The following FLT4 variants were observed in gnomAD, a reference collection of about 807,000 sequenced individuals.
The protein encoded by FLT4 is vascular endothelial growth factor receptor 3.
Under a neutral mutation model 163.2 loss-of-function variants are expected in FLT4, and 30 were observed. The ratio of observed to expected loss-of-function variants is 0.18; its 90% CI spans 0.14 to 0.25. The LOEUF is 0.25. Among genes scored for constraint, FLT4 ranks in the 10% least tolerant of loss-of-function variants. FLT4 has a pLI of 1.00. For missense variants in FLT4, 1,510 were observed against 1,863.8 expected, an observed-to-expected ratio of 0.81 and a Z score of 3.50; for synonymous variants, 884 against 789.5, an observed-to-expected ratio of 1.12 and a Z score of -2.01.
At chr5:180,606,144 G>A (rs1487769518) in intron 29 of FLT4, among the ~76,000 whole-genome samples, 3 of 152,172 alleles carry the variant, frequency 2.0e-5, no homozygotes, top group African/African-American at 4.8e-5. Flanking sequence ...CTCTGCTGCC[G>A]ATACAGGGTG....
At position 180,621,765 on chromosome 5, in the gene FLT4, G is replaced by A. The variant is rs200474566; in HGVS notation, c.1797C>T (p.His599=). The A allele has an allele frequency of 6.2e-7, 1 of 1,613,264 alleles. No homozygotes were observed. The highest frequency in any genetic ancestry group is 1.1e-5 in the South Asian group (1 of 91,086). Residue 599 remains histidine, a synonymous_variant, in exon 13 of 30, where the codon CAC becomes CAT. Coordinates refer to ENST00000261937, the MANE Select transcript of FLT4 (RefSeq NM_182925.5). The part of the protein sequence containing the change: ...RWYRLNLSTL[H]DAHGNPLLLD... The stretch of plus-strand genomic sequence containing the variant: ...GCAGAAGCGGGTTCCCGTGCGCATC[G>A]TGCAGCGTGGACAGGTTGAGGCGGT...
chr5:180,649,917 G>C (rs1281103417), upstream of FLT4, among the ~76,000 whole-genome samples: 2 of 152,156 alleles, frequency 1.3e-5, no homozygotes, highest in Non-Finnish European at 2.9e-5. Flanking sequence ...GTAAAATCTA[G>C]ACTAAACAAG....
Position 180,623,817 on chromosome 5 carries a change from G to T in FLT4, c.1548+118C>A. The T allele has an allele frequency of 1.5e-6, 2 of 1,329,898 alleles. No homozygotes were observed. The highest frequency in any genetic ancestry group is 1.1e-6 in the Non-Finnish European group (1 of 930,702). 82.4% of individuals were successfully genotyped at this position (1,329,898 alleles called of 1,614,324 possible). On this transcript the variant is annotated intron_variant, in intron 11 of 29. Coordinates refer to ENST00000261937, the MANE Select transcript of FLT4 (RefSeq NM_182925.5). This position sits in a 1 kb window ranked among gnomAD's most constrained non-coding sequence, Gnocchi z 5.8. ...CCTACAGACTGCAGGAAGGTCACCC[G>T]CTCTCGGCTGCTCTGCCCAGCACTC...
At chr5:180,634,622 G>T (rs1158187223) in intron 1 of FLT4, among the ~76,000 whole-genome samples, 1 of 149,000 alleles carries the variant, frequency 6.7e-6, no homozygotes, top group Non-Finnish European at 1.5e-5. Flanking sequence ...GTGAAGCCGG[G>T]AGGCGGAGCT....
chr5:180,624,098 T>C (rs774397838), intron 10 of FLT4, 37 bp from the exon 11 acceptor site: 8 of 1,606,892 alleles, frequency 5.0e-6, no homozygotes, highest in Non-Finnish European at 6.8e-6. Context: ...AGGTCAGGGA[T>C]ACAGGCAGGA....
Position 180,623,047 on chromosome 5 carries a change from C to T in FLT4, c.1549-208G>A, listed in dbSNP as rs888653604. On this transcript the variant is annotated intron_variant, in intron 11 of 29. Coordinates refer to ENST00000261937, the MANE Select transcript of FLT4 (RefSeq NM_182925.5). The surrounding 1 kb of genome is among the most constrained non-coding windows in gnomAD (Gnocchi z 5.8). The stretch of plus-strand genomic sequence containing the variant: ...TGGGCAGCAGAGAGAGGTAGCTGCC[C>T]AGAAAAGTCAAGGGACAGTGTATGG... Among the ~76,000 whole-genome samples the T allele has an allele frequency of 2.0e-5, 3 of 152,122 alleles. No individual in the cohort carries two copies. Among genetic ancestry groups the T allele is most frequent in the African/African-American group, 7.2e-5 (3 of 41,416 alleles).
Position 180,623,148 on chromosome 5 carries a change from T to C in FLT4, c.1549-309A>G, listed in dbSNP as rs307827. 0.74 allele frequency among the ~76,000 whole-genome samples: 112,779 copies of C among 152,094 alleles called. 43,780 individuals are homozygous for C. Among genetic ancestry groups the C allele is most frequent in the Non-Finnish European group, 0.86 (58,138 of 67,990 alleles). On this transcript the variant is annotated intron_variant, in intron 11 of 29. Coordinates refer to ENST00000261937, the MANE Select transcript of FLT4 (RefSeq NM_182925.5). This position sits in a 1 kb window ranked among gnomAD's most constrained non-coding sequence, Gnocchi z 5.8. ...AGAGAGACCTCTGGCCGTGGCTATG[T>C]TGAGGGGGCACCAGCGTCAGTGCAA...
chr5:180,631,248 T>C (rs190950579), intron 2 of FLT4, among the ~76,000 whole-genome samples: 6,575 of 150,698 alleles, frequency 0.044, 227 homozygotes, highest in Admixed American at 0.087. Flanking sequence ...CTGAGGTGGG[T>C]GGGTTACGAG....
At chr5:180,632,043 G>A (rs951598638) in intron 1 of FLT4, among the ~76,000 whole-genome samples, 7 of 152,130 alleles carry the variant, frequency 4.6e-5, no homozygotes, top group African/African-American at 1.7e-4. Context: ...CACCGGCCCT[G>A]GACCTAACCC....
At position 180,624,068 on chromosome 5, in the gene FLT4, G is replaced by C. The variant is rs781698717; in HGVS notation, c.1422-7C>G. 2.5e-6 allele frequency: 4 copies of C among 1,611,256 alleles called. No individual in the cohort carries two copies. The South Asian group carries it at 4.4e-5, about 18-fold the overall frequency. ...TTGCTGCTGCCGCCGCCGGCTGCCA[G>C]GACCAGAAGAGGCAAGGGCAGGTCA... is the stretch of plus-strand genomic sequence containing the variant. On this transcript the variant is annotated splice_polypyrimidine_tract_variant and splice_region_variant and intron_variant, in intron 10 of 29. Transcript: ENST00000261937.
In FLT4 at chr5:180,608,873, G is replaced by T. The variant is rs146240153; in HGVS notation, c.3893+95C>A. ...GCCATAGGGAGCCACGAAAGGTTCCGGGAAGAGGGCTGGGCACACCCAGAC... is the reference window on the plus strand; with the variant it reads ...GCCATAGGGAGCCACGAAAGGTTCCTGGAAGAGGGCTGGGCACACCCAGAC... On this transcript the variant is annotated intron_variant, in intron 29 of 29. Coordinates refer to ENST00000261937, the MANE Select transcript of FLT4 (RefSeq NM_182925.5). 553 of 1,098,710 alleles carry T rather than the reference G, an allele frequency of 5.0e-4. 3 individuals are homozygous for T. The African/African-American group carries it at 7.1e-3, about 14-fold the overall frequency. The allele number at this position is 1,098,710 out of a possible 1,614,324, so 68.1% of individuals were successfully genotyped here. A position where few individuals can be genotyped will look rare whatever the true frequency, so the allele number is the denominator to read the frequency against.
intron 1 of FLT4, among the ~76,000 whole-genome samples, chr5:180,643,903 C>A (rs1765325138): frequency 6.6e-6 from 1 of 151,844 alleles, no homozygotes; most frequent in Non-Finnish European, 1.5e-5. Flanking sequence ...CTCACCGTAA[C>A]CTCCGCCTCC....
At chr5:180,611,776 A>G (rs891567969) in intron 26 of FLT4, 1 of 510,802 alleles carries the variant, frequency 2.0e-6, no homozygotes, top group Non-Finnish European at 3.6e-6. Context: ...ATCAAGACAG[A>G]TAAGGGGTCA....
At chr5:180,622,529 G>C (rs74462160) in intron 12 of FLT4, among the ~76,000 whole-genome samples, 2 of 152,118 alleles carry the variant, frequency 1.3e-5, no homozygotes, top group Non-Finnish European at 2.9e-5. Context: ...CCAGGGTTGG[G>C]GACAGAGGAT....
chr5:180,602,225 A>C lies in FLT4; in HGVS notation c.*967T>G, dbSNP rs113823996. On this transcript the variant is annotated 3_prime_UTR_variant, in exon 30 of 30. Transcript: ENST00000261937. Reference sequence around the variant, plus strand: ...TTCCTGAGTGGATCCCACAGTGTTCATCTCTCATGAGCTGGTTCACGGCTT... The same window carrying C: ...TTCCTGAGTGGATCCCACAGTGTTCCTCTCTCATGAGCTGGTTCACGGCTT... The C allele has an allele frequency of 1.2e-3, 282 of 239,156 alleles. No individual in the cohort carries two copies. Among genetic ancestry groups the C allele is most frequent in the African/African-American group, 5.7e-3 (262 of 45,626 alleles). 14.8% of individuals were successfully genotyped at this position (239,156 alleles called of 1,614,324 possible).
At chr5:180,631,812 G>C (rs1382644137) in intron 1 of FLT4, 34 bp from the exon 2 acceptor site, 2 of 1,479,014 alleles carry the variant, frequency 1.4e-6, no homozygotes, top group Non-Finnish European at 1.9e-6. Flanking sequence ...GTGGTGCTGG[G>C]CTGTGACTTG....
chr5:180,603,328 C>T lies in FLT4; in HGVS notation c.3956G>A (p.Arg1319Gln), dbSNP rs145806915. ...TCGGGCCCCCCGCTCAGGCCGCCGC[C>T]GCCTCCCTTGGGAGTCAGGGTGTGC... ...TRAHPDSQGR[R>Q]RRPERGARGG... Residue 1319 changes from arginine to glutamine, a missense_variant, in exon 30 of 30, where the codon CGG becomes CAG. Physicochemically the swap from Arg to Gln is conservative, Grantham distance 43. Coordinates refer to ENST00000261937, the MANE Select transcript of FLT4 (RefSeq NM_182925.5). 21 of 1,614,006 alleles carry T rather than the reference C, an allele frequency of 1.3e-5. No homozygotes were observed. The African/African-American group carries it at 1.3e-4, about 10-fold the overall frequency.
intron 29 of FLT4, among the ~76,000 whole-genome samples, chr5:180,606,071 C>G (rs1761765272): frequency 6.6e-6 from 1 of 152,222 alleles, no homozygotes; most frequent in African/African-American, 2.4e-5. Context: ...AGCGGATGCA[C>G]CCGCCAGAGA....
chr5:180,603,093 C>T lies in FLT4; in HGVS notation c.*99G>A. 8.5e-7 allele frequency: 1 copy of T among 1,171,408 alleles called. No homozygotes were observed. Among genetic ancestry groups the T allele is most frequent in the Admixed American group, 1.9e-5 (1 of 52,308 alleles). The allele number at this position is 1,171,408 out of a possible 1,614,324, so 72.6% of individuals were successfully genotyped here. A position where few individuals can be genotyped will look rare whatever the true frequency, so the allele number is the denominator to read the frequency against. On this transcript the variant is annotated 3_prime_UTR_variant, in exon 30 of 30. Coordinates refer to ENST00000261937, the MANE Select transcript of FLT4 (RefSeq NM_182925.5). ...AGGGAAGAGGACACTCCTGTGCCACCAGAGTTCAACCAGATGAGTTCCCAG... is the reference window on the plus strand; with the variant it reads ...AGGGAAGAGGACACTCCTGTGCCACTAGAGTTCAACCAGATGAGTTCCCAG...
Sources: gnomAD v4.1 joint callset for allele counts (sites outside exome capture counted in the v4.1 genomes callset) on GRCh38, gnomAD v4.1.1 for gene constraint, Gnocchi (gnomAD v3.1) non-coding constraint, MANE v1.5 for transcripts, NCBI Gene and HGNC (gene_info 2026-07-23, HGNC 2026-07-21) for gene names.